The following DENND2A variants were observed in gnomAD, a reference collection of about 807,000 sequenced individuals.
DENND2A encodes DENN domain containing 2A, also known as DENN domain-containing protein 2A.
A neutral mutation model predicts 105.3 loss-of-function variants in DENND2A; 53 were observed. The ratio of observed to expected loss-of-function variants is 0.50; its 90% CI spans 0.40 to 0.63. The LOEUF (loss-of-function observed/expected upper bound fraction) is 0.63. Among genes scored for constraint, DENND2A ranks in the 30% least tolerant of loss-of-function variants. The probability of loss-of-function intolerance (pLI) is 0.00; values close to 1 mark genes in which losing one functional copy is unlikely to be tolerated. For synonymous variants in DENND2A, 522 were observed against 508.4 expected (o/e 1.03, Z -0.36); for missense variants, 1,138 against 1,279.6 (o/e 0.89, Z 1.69).
chr7:140,598,740 T>C (rs964372709), intron 3 of DENND2A, among the ~76,000 whole-genome samples: 3 of 152,146 alleles, frequency 2.0e-5, no homozygotes, highest in Non-Finnish European at 4.4e-5. Context: ...AGCAAATACA[T>C]AGCATGTCAA....
intron 6 of DENND2A, among the ~76,000 whole-genome samples, chr7:140,572,751 C>CAAA (rs59174097): frequency 1.6e-3 from 94 of 57,962 alleles, no homozygotes; most frequent in East Asian, 3.6e-3. Context: ...GAAACTCTGT[C>CAAA]AAAAAAAAAA....
At chr7:140,533,572 C>G (rs933930531) in intron 14 of DENND2A, among the ~76,000 whole-genome samples, 8 of 152,174 alleles carry the variant, frequency 5.3e-5, no homozygotes, top group African/African-American at 1.9e-4. Flanking sequence ...GATGCAGAGG[C>G]TGGTGGAGAA....
At chr7:140,629,186 C>CA (rs1800644144) in intron 1 of DENND2A, among the ~76,000 whole-genome samples, 2 of 152,132 alleles carry the variant, frequency 1.3e-5, no homozygotes, top group Admixed American at 6.6e-5. Context: ...AGGCAGTATT[C>CA]AAAATTAACC....
At chr7:140,628,202 C>T (rs1175722514) in intron 1 of DENND2A, among the ~76,000 whole-genome samples, 3 of 152,234 alleles carry the variant, frequency 2.0e-5, no homozygotes, top group Non-Finnish European at 4.4e-5. Context: ...CTCTAAACTA[C>T]TCTCCAACAT....
chr7:140,600,639 C>T (rs1007827254), intron 3 of DENND2A, among the ~76,000 whole-genome samples: 2 of 151,978 alleles, frequency 1.3e-5, no homozygotes, highest in Non-Finnish European at 2.9e-5. Flanking sequence ...CTGGTGGCCT[C>T]GGGACAGGGT....
In DENND2A at chr7:140,606,939, A is replaced by C. The variant is rs574077650; in HGVS notation, c.-247-1133T>G. ...TCTCCCAACATGAGCATAAATGGAC[A>C]TGGCTCAGGTGAAGGTGCTGACAAG... On this transcript the variant is annotated intron_variant, in intron 1 of 19. Coordinates refer to ENST00000496613, the MANE Select transcript of DENND2A (RefSeq NM_015689.5). Among the ~76,000 whole-genome samples the C allele has an allele frequency of 2.6e-5, 4 of 152,338 alleles. No individual in the cohort carries two copies. The East Asian group carries it at 7.7e-4, about 29-fold the overall frequency.
chr7:140,625,726 A>G (rs1217311130), intron 1 of DENND2A, among the ~76,000 whole-genome samples: 3 of 152,150 alleles, frequency 2.0e-5, no homozygotes, highest in Admixed American at 2.0e-4. Context: ...AACGAAAACA[A>G]AAAACATTAG....
intron 9 of DENND2A, 98 bp downstream of exon 9, chr7:140,566,988 G>A: frequency 8.9e-7 from 1 of 1,120,212 alleles, no homozygotes; most frequent in South Asian, 1.9e-5. Context: ...CTAGATGCTA[G>A]GTGTTCCTCA....
intron 12 of DENND2A, among the ~76,000 whole-genome samples, chr7:140,553,819 T>G (rs565604972): frequency 8.5e-5 from 13 of 152,182 alleles, no homozygotes; most frequent in Admixed American, 1.3e-4. Context: ...GGGGTAAGGT[T>G]ATAGATTAAC....
At chr7:140,554,712 T>G (rs904049639) in intron 12 of DENND2A, among the ~76,000 whole-genome samples, 10 of 152,194 alleles carry the variant, frequency 6.6e-5, no homozygotes, top group Non-Finnish European at 5.9e-5. Flanking sequence ...ATACCTAGCT[T>G]TTGAGATCAG....
rs375288420 is a variant in DENND2A at position 140,525,939 on chromosome 7, G to A, written c.2506-147C>T. 1.2e-5 allele frequency: 7 copies of A among 562,978 alleles called. No homozygotes were observed. In the East Asian group the frequency reaches 1.6e-4, roughly 13 times the overall value. The allele number at this position is 562,978 out of a possible 1,614,324, so 34.9% of individuals were successfully genotyped here. On this transcript the variant is annotated intron_variant, in intron 15 of 19. Coordinates refer to ENST00000496613, the MANE Select transcript of DENND2A (RefSeq NM_015689.5). ...ATTTGTGGTTTCCTGACATTGCCAC[G>A]GTAGCCACAGGTAATGAAGAGCAGG...
intron 5 of DENND2A, among the ~76,000 whole-genome samples, chr7:140,584,321 A>G (rs113566280): frequency 0.03 from 4,629 of 152,308 alleles, 118 homozygotes; most frequent in African/African-American, 0.073. Context: ...ATTGTCTATG[A>G]CTGCCTCACA....
At chr7:140,538,331 TCATGCCCTGTTC>T (rs1429879116) in intron 14 of DENND2A, among the ~76,000 whole-genome samples, 1 of 152,062 alleles carries the variant, frequency 6.6e-6, no homozygotes, top group Non-Finnish European at 1.5e-5. Flanking sequence ...TGTCCTGTTC[TCATGCCCTGTTC>T]CATGCCCTCA....
chr7:140,532,494 G>A (rs936243995), intron 14 of DENND2A, among the ~76,000 whole-genome samples: 12 of 152,152 alleles, frequency 7.9e-5, no homozygotes, highest in Non-Finnish European at 1.2e-4. Context: ...CCTTCTACGC[G>A]TCAGACTTGT....
chr7:140,585,650 T>G lies in DENND2A; in HGVS notation c.1184A>C (p.Lys395Thr). The change falls in exon 5 of 20, where the codon AAG (lysine) becomes ACG (threonine). Residue 395 changes from lysine (K) to threonine (T), a missense_variant. Transcript: ENST00000496613. ...DIELHGRCLG[K>T]KCVLNFPASP... The stretch of plus-strand genomic sequence containing the variant: ...AGCAGGAAAATTCAAGACACACTTC[T>G]TTCCCAGGCAGCGACCATGTAACTC... 1 of 1,614,188 alleles carries G rather than the reference T, an allele frequency of 6.2e-7. No individual in the cohort carries two copies. The highest frequency in any genetic ancestry group is 1.1e-5 in the South Asian group (1 of 91,082).
In DENND2A at chr7:140,523,584, CTT is replaced by C. The variant is rs35942512; in HGVS notation, c.2548-162_2548-161del. ...GTCTGAGGTTTCAATCTTGAGCCTA[CTT>C]TTTTTTTTGAGACAGAGTTTCACTC... is the stretch of plus-strand genomic sequence containing the variant. On this transcript the variant is annotated intron_variant, in intron 16 of 19. Transcript: ENST00000496613. The surrounding 1 kb of genome is among the most constrained non-coding windows in gnomAD (Gnocchi z 4.5). 6.7e-6 allele frequency among the ~76,000 whole-genome samples: 1 copy of C among 149,736 alleles called. No individual in the cohort carries two copies. Among genetic ancestry groups the C allele is most frequent in the Non-Finnish European group, 1.5e-5 (1 of 67,130 alleles).
intron 3 of DENND2A, among the ~76,000 whole-genome samples, chr7:140,598,331 A>G (rs1799359450): frequency 6.6e-6 from 1 of 152,216 alleles, no homozygotes; most frequent in Admixed American, 6.5e-5. Flanking sequence ...TAACTTGATA[A>G]CATAAAAACA....
chr7:140,578,772 G>T (rs1263778756), intron 5 of DENND2A, among the ~76,000 whole-genome samples: 1 of 152,178 alleles, frequency 6.6e-6, no homozygotes, highest in Non-Finnish European at 1.5e-5. Flanking sequence ...TACTCAGGAG[G>T]CTGAGACAGG....
intron 1 of DENND2A, among the ~76,000 whole-genome samples, chr7:140,631,664 A>G (rs890956217): frequency 2.6e-5 from 4 of 152,134 alleles, no homozygotes; most frequent in Non-Finnish European, 5.9e-5. Context: ...GATTGTCACA[A>G]ATACAGATGA....
Sources: gnomAD v4.1 joint callset for allele counts (sites outside exome capture counted in the v4.1 genomes callset) on GRCh38, gnomAD v4.1.1 for gene constraint, Gnocchi (gnomAD v3.1) non-coding constraint, MANE v1.5 for transcripts, NCBI Gene and HGNC (gene_info 2026-07-23, HGNC 2026-07-21) for gene names.